The following KCNMA1 variants were observed in gnomAD, a reference collection of about 807,000 sequenced individuals.
KCNMA1 encodes potassium calcium-activated channel subfamily M alpha 1.
Under a neutral mutation model 140.0 loss-of-function variants are expected in KCNMA1, and 29 were observed. The observed-to-expected ratio is 0.21, with a 90% CI of 0.15 to 0.28. The LOEUF (loss-of-function observed/expected upper bound fraction) is 0.28, where lower values mean the gene tolerates loss of function less well. Among genes scored for constraint, KCNMA1 ranks in the 10% least tolerant of loss-of-function variants. KCNMA1 has a pLI of 1.00. For synonymous variants in KCNMA1, 612 were observed against 611.9 expected (o/e 1.00, Z 0.00); for missense variants, 880 against 1,602.2 (o/e 0.55, Z 7.70).
rs112948235 is a variant in KCNMA1 at position 77,637,189 on chromosome 10, C to A, written c.378+76G>T. 1.7e-3 allele frequency: 2,405 copies of A among 1,377,766 alleles called. 42 individuals carry two copies. The African/African-American group carries it at 0.029, about 17-fold the overall frequency. 85.3% of individuals were successfully genotyped at this position (1,377,766 alleles called of 1,614,324 possible). A position where few individuals can be genotyped will look rare whatever the true frequency, so the allele number is the denominator to read the frequency against. On this transcript the variant is annotated intron_variant, in intron 1 of 27. Coordinates refer to ENST00000286628, the MANE Select transcript of KCNMA1 (RefSeq NM_001161352.2). ...GAGGGAGGCACGGCGCGGCGCGGAG[C>A]GAGGAGGTGGGCTGCAGGGGACGCC...
intron 1 of KCNMA1, among the ~76,000 whole-genome samples, chr10:77,596,028 T>C (rs952109389): frequency 6.6e-6 from 1 of 152,104 alleles, no homozygotes; most frequent in Non-Finnish European, 1.5e-5. Flanking sequence ...CATAAGAGAC[T>C]AATAAGCCAC....
intron 5 of KCNMA1, among the ~76,000 whole-genome samples, chr10:77,121,744 G>A (rs887194141): frequency 3.9e-5 from 6 of 152,200 alleles, no homozygotes; most frequent in African/African-American, 1.4e-4. Context: ...AAGAGAGATG[G>A]AGAAGGAAAA....
Position 76,929,593 on chromosome 10 carries a change from G to C in KCNMA1, c.2903-14544C>G, listed in dbSNP as rs76695132. Among the ~76,000 whole-genome samples the C allele has an allele frequency of 9.3e-4, 141 of 152,316 alleles. 1 individual carries two copies. In the East Asian group the frequency reaches 0.024, roughly 26 times the overall value. On this transcript the variant is annotated intron_variant, in intron 23 of 27. Transcript: ENST00000286628. ...AATTTCTATGGAAATGTAAGCTTTA[G>C]TAAATCAGCTGCCTGATACAAGGAT... is the stretch of plus-strand genomic sequence containing the variant.
At chr10:77,087,967 A>ATTTAT (rs1036741402) in intron 10 of KCNMA1, among the ~76,000 whole-genome samples, 1 of 151,648 alleles carries the variant, frequency 6.6e-6, no homozygotes, top group African/African-American at 2.4e-5. Flanking sequence ...AATAATATTT[A>ATTTAT]TTTATTTTAT....
chr10:77,179,410 C>T (rs1020722820), intron 5 of KCNMA1, among the ~76,000 whole-genome samples: 5 of 152,156 alleles, frequency 3.3e-5, no homozygotes, highest in African/African-American at 1.2e-4. Context: ...ACCAGGCTAG[C>T]TCTGCATTCT....
intron 12 of KCNMA1, among the ~76,000 whole-genome samples, chr10:77,080,714 G>A (rs866046451): frequency 1.3e-5 from 2 of 152,130 alleles, no homozygotes; most frequent in South Asian, 4.1e-4. Context: ...GACATCGAAA[G>A]CGAGCCCAAA....
intron 2 of KCNMA1, among the ~76,000 whole-genome samples, chr10:77,323,360 G>A (rs1219135646): frequency 6.6e-6 from 1 of 152,210 alleles, no homozygotes; most frequent in Non-Finnish European, 1.5e-5. Flanking sequence ...GGAAGTCCAT[G>A]GAAGAATATT....
At chr10:77,541,122 G>A (rs1481660484) in intron 1 of KCNMA1, among the ~76,000 whole-genome samples, 1 of 151,946 alleles carries the variant, frequency 6.6e-6, no homozygotes, top group African/African-American at 2.4e-5. Flanking sequence ...AGGAAAGGGG[G>A]AAAGAGGAGC....
At chr10:77,133,157 T>G (rs1351788850) in intron 5 of KCNMA1, among the ~76,000 whole-genome samples, 6 of 149,210 alleles carry the variant, frequency 4.0e-5, no homozygotes, top group Non-Finnish European at 8.9e-5. Context: ...ACAAAGGAAT[T>G]TAATCAAATG....
chr10:77,593,556 AT>A (rs1206108296), intron 1 of KCNMA1, among the ~76,000 whole-genome samples: 1 of 152,218 alleles, frequency 6.6e-6, no homozygotes, highest in African/African-American at 2.4e-5. Context: ...AATGTCTTAA[AT>A]TGCAGAGTGC....
chr10:77,522,325 T>C (rs2053728766), intron 1 of KCNMA1, among the ~76,000 whole-genome samples: 2 of 152,156 alleles, frequency 1.3e-5, no homozygotes, highest in South Asian at 2.1e-4. Context: ...GGGCCTGAGA[T>C]GTGCTTTCCC....
intron 23 of KCNMA1, among the ~76,000 whole-genome samples, chr10:76,919,900 C>G (rs915492456): frequency 6.7e-6 from 1 of 149,662 alleles, no homozygotes; most frequent in Non-Finnish European, 1.5e-5. Context: ...GGATAAAGAA[C>G]TGAAGAAGTA....
intron 23 of KCNMA1, among the ~76,000 whole-genome samples, chr10:76,928,365 G>A (rs1282210453): frequency 2.0e-5 from 3 of 151,718 alleles, no homozygotes; most frequent in Non-Finnish European, 4.4e-5. Context: ...TTCCAGGGAA[G>A]AGACTTCCTG....
chr10:77,206,545 C>T (rs371199260), intron 3 of KCNMA1, among the ~76,000 whole-genome samples: 21 of 152,256 alleles, frequency 1.4e-4, no homozygotes, highest in African/African-American at 4.8e-4. Context: ...CTTGCCTCTA[C>T]GTAAGTCTCC....
intron 23 of KCNMA1, 69 bp from the exon 24 acceptor site, chr10:76,915,118 A>G: frequency 2.8e-6 from 3 of 1,076,500 alleles, no homozygotes; most frequent in Middle Eastern, 2.0e-4. Context: ...ATCAGAGTAC[A>G]CTATATACAT....
At chr10:77,139,076 C>T (rs2098114430) in intron 5 of KCNMA1, among the ~76,000 whole-genome samples, 1 of 152,208 alleles carries the variant, frequency 6.6e-6, no homozygotes, top group African/African-American at 2.4e-5. Context: ...GCACCCTCTT[C>T]TAGAACAGTG....
chr10:77,176,479 A>T (rs2098752444), intron 5 of KCNMA1, among the ~76,000 whole-genome samples: 1 of 152,112 alleles, frequency 6.6e-6, no homozygotes. Context: ...ATGTCACTCC[A>T]TGCAAATGAG....
chr10:77,270,051 G>C (rs909917646), intron 2 of KCNMA1, among the ~76,000 whole-genome samples: 2 of 152,144 alleles, frequency 1.3e-5, no homozygotes, highest in African/African-American at 4.8e-5. Flanking sequence ...AGCAAGCACA[G>C]CCCTCTCACC....
At chr10:76,935,698 G>A (rs981811014) in intron 23 of KCNMA1, among the ~76,000 whole-genome samples, 1 of 152,316 alleles carries the variant, frequency 6.6e-6, no homozygotes, top group Admixed American at 6.5e-5. Context: ...AGAGCCAGAT[G>A]CTAAAACCAT....
Sources: gnomAD v4.1 joint callset for allele counts (sites outside exome capture counted in the v4.1 genomes callset) on GRCh38, gnomAD v4.1.1 for gene constraint, MANE v1.5 for transcripts, NCBI Gene and HGNC (gene_info 2026-07-23, HGNC 2026-07-21) for gene names.